The following FZD3 variants were observed in gnomAD, a reference collection of about 807,000 sequenced individuals.
The protein encoded by FZD3 is frizzled-3.
Under a neutral mutation model 60.7 loss-of-function variants are expected in FZD3, and 30 were observed. The observed-to-expected ratio is 0.49, with a 90% CI of 0.37 to 0.67. The LOEUF (loss-of-function observed/expected upper bound fraction) is 0.67. FZD3 is among the 30% of genes least tolerant of loss of function. The pLI, the probability that FZD3 is intolerant of heterozygous loss-of-function variation, is 0.00. For synonymous variants in FZD3, 246 were observed against 275.2 expected (o/e 0.89, Z 1.05); for missense variants, 605 against 838.7 (o/e 0.72, Z 3.44).
intron 3 of FZD3, among the ~76,000 whole-genome samples, chr8:28,508,238 T>C (rs1310913270): frequency 6.6e-6 from 1 of 152,086 alleles, no homozygotes; most frequent in Non-Finnish European, 1.5e-5. Context: ...TTTAACAGTT[T>C]CTTTTCTTTC....
At chr8:28,504,787 G>A (rs1465028327) in intron 3 of FZD3, among the ~76,000 whole-genome samples, 1 of 152,188 alleles carries the variant, frequency 6.6e-6, no homozygotes, top group Non-Finnish European at 1.5e-5. Flanking sequence ...GAAACACCAT[G>A]TATTTGCTCC....
intron 3 of FZD3, among the ~76,000 whole-genome samples, chr8:28,509,414 CT>C (rs1252979927): frequency 6.6e-6 from 1 of 151,448 alleles, no homozygotes; most frequent in Non-Finnish European, 1.5e-5. Flanking sequence ...TTTTTTTCCA[CT>C]TAATATATTT....
intron 5 of FZD3, among the ~76,000 whole-genome samples, chr8:28,548,340 CT>C (rs1285782885): frequency 2.0e-5 from 3 of 151,818 alleles, no homozygotes; most frequent in Non-Finnish European, 2.9e-5. Context: ...GAGATGAGGT[CT>C]TGCTGTGTTG....
intron 3 of FZD3, among the ~76,000 whole-genome samples, chr8:28,514,513 G>A (rs985774374): frequency 6.6e-6 from 1 of 152,152 alleles, no homozygotes; most frequent in African/African-American, 2.4e-5. Flanking sequence ...CACCTGAAAA[G>A]CTTTCTTGTG....
rs757221944 is a variant in FZD3, at chr8:28,503,007, A to G, written c.-7A>G. The G allele has an allele frequency of 3.1e-6, 5 of 1,606,518 alleles. No individual in the cohort carries two copies. In the Admixed American group the frequency reaches 5.0e-5, roughly 16 times the overall value. ...GATCATCTGAATCTCCTTCAGACCCAGGAAGGATGGCTATGACTTGGATTG... is the reference window on the plus strand; with the variant it reads ...GATCATCTGAATCTCCTTCAGACCCGGGAAGGATGGCTATGACTTGGATTG... On this transcript the variant is annotated 5_prime_UTR_variant, in exon 3 of 8. Transcript: ENST00000240093.
rs1297046445 is a variant in FZD3, at chr8:28,540,296, C to T, written c.1405-11307C>T. Among the ~76,000 whole-genome samples the T allele has an allele frequency of 2.0e-5, 3 of 152,200 alleles. No individual in the cohort carries two copies. The East Asian group carries it at 5.8e-4, about 29-fold the overall frequency. The stretch of plus-strand genomic sequence containing the variant: ...CCAGGCTGGAGTGCAATGGCACGAT[C>T]TCGGCTCACTGCAACCTCCGCCTCC... On this transcript the variant is annotated intron_variant, in intron 5 of 7. Transcript: ENST00000240093.
chr8:28,505,799 C>T (rs1240845109), intron 3 of FZD3, among the ~76,000 whole-genome samples: 1 of 152,196 alleles, frequency 6.6e-6, no homozygotes, highest in African/African-American at 2.4e-5. Context: ...GTTGGATCTT[C>T]TTACATTGTG....
chr8:28,523,346 T>C (rs1158349119), intron 4 of FZD3, among the ~76,000 whole-genome samples: 2 of 152,160 alleles, frequency 1.3e-5, no homozygotes, highest in East Asian at 1.9e-4. Flanking sequence ...AGTTTCCCCA[T>C]GTGGCAGGAT....
intron 5 of FZD3, among the ~76,000 whole-genome samples, chr8:28,549,035 C>G (rs557669827): frequency 1.7e-4 from 26 of 152,322 alleles, no homozygotes; most frequent in African/African-American, 5.8e-4. Context: ...TCTCACAGCT[C>G]TAGAAGCTGG....
At chr8:28,545,995 A>G (rs924315294) in intron 5 of FZD3, among the ~76,000 whole-genome samples, 5 of 152,204 alleles carry the variant, frequency 3.3e-5, no homozygotes, top group Admixed American at 6.5e-5. Flanking sequence ...TTGTAATACA[A>G]TTGTTTGCAT....
At chr8:28,520,129 G>T (rs891172581) in intron 3 of FZD3, among the ~76,000 whole-genome samples, 1 of 150,500 alleles carries the variant, frequency 6.6e-6, no homozygotes, top group Non-Finnish European at 1.5e-5. Flanking sequence ...AGAATTGCTT[G>T]AACTTGGGAG....
chr8:28,519,202 A>G (rs1190619825), intron 3 of FZD3, among the ~76,000 whole-genome samples: 1 of 152,246 alleles, frequency 6.6e-6, no homozygotes, highest in African/African-American at 2.4e-5. Flanking sequence ...TGGTAAGAAT[A>G]TCTCTAACCA....
chr8:28,530,819 G>A (rs1804852317), intron 5 of FZD3, among the ~76,000 whole-genome samples: 1 of 151,956 alleles, frequency 6.6e-6, no homozygotes, highest in Non-Finnish European at 1.5e-5. Flanking sequence ...GTTTTACCCA[G>A]TACATAAACT....
At chr8:28,509,523 A>G (rs1280314933) in intron 3 of FZD3, among the ~76,000 whole-genome samples, 2 of 152,156 alleles carry the variant, frequency 1.3e-5, no homozygotes, top group African/African-American at 4.8e-5. Context: ...CATAATTACA[A>G]TTCCATCTCC....
chr8:28,541,971 T>G (rs978621387), intron 5 of FZD3, among the ~76,000 whole-genome samples: 4 of 152,164 alleles, frequency 2.6e-5, no homozygotes, highest in Admixed American at 2.6e-4. Flanking sequence ...CTTCTACTTT[T>G]GTTTCTTTAG....
chr8:28,508,809 A>C (rs889238756), intron 3 of FZD3, among the ~76,000 whole-genome samples: 1 of 151,954 alleles, frequency 6.6e-6, no homozygotes, highest in African/African-American at 2.4e-5. Flanking sequence ...ACAGATGTGA[A>C]CCACCATGCC....
intron 5 of FZD3, among the ~76,000 whole-genome samples, chr8:28,542,688 C>T (rs1805198254): frequency 6.6e-6 from 1 of 152,034 alleles, no homozygotes; most frequent in Non-Finnish European, 1.5e-5. Context: ...CACTACCACA[C>T]CACACCCACA....
intron 7 of FZD3, among the ~76,000 whole-genome samples, chr8:28,556,708 T>C (rs1184659040): frequency 2.0e-5 from 3 of 150,836 alleles, no homozygotes; most frequent in South Asian, 2.1e-4. Flanking sequence ...TCATAGACAA[T>C]ATGTAGTCAA....
intron 3 of FZD3, among the ~76,000 whole-genome samples, chr8:28,504,069 C>T (rs529602341): frequency 3.3e-5 from 5 of 152,254 alleles, no homozygotes; most frequent in South Asian, 2.1e-4. Context: ...ATTTCCATAG[C>T]GCTTTCAGCA....
Sources: allele counts gnomAD v4.1 joint callset (sites outside exome capture counted in the v4.1 genomes callset), GRCh38; gene constraint gnomAD v4.1.1; transcripts MANE v1.5; gene names NCBI Gene and HGNC (gene_info 2026-07-23, HGNC 2026-07-21).